L3MBTL4: variants seen among roughly 807,000 people sequenced by gnomAD.
The protein encoded by L3MBTL4 is lethal(3)malignant brain tumor-like protein 4.
A neutral mutation model predicts 84.5 loss-of-function variants in L3MBTL4; 70 were observed. The observed-to-expected ratio is 0.83, with a 90% CI of 0.68 to 1.01. L3MBTL4 has a LOEUF of 1.01. Among genes scored for constraint, L3MBTL4 ranks in the 50% least tolerant of loss-of-function variants. L3MBTL4 has a pLI of 0.00. For synonymous variants in L3MBTL4, 274 were observed against 259.8 expected (o/e 1.05, Z -0.52); for missense variants, 715 against 754.8 (o/e 0.95, Z 0.62).
chr18:6,101,709 A>C (rs1347160992), intron 14 of L3MBTL4, among the ~76,000 whole-genome samples: 1 of 152,214 alleles, frequency 6.6e-6, no homozygotes, highest in African/African-American at 2.4e-5. Context: ...GACTAAGTAC[A>C]TTTCATGGCA....
intron 1 of L3MBTL4, among the ~76,000 whole-genome samples, chr18:6,359,583 T>C (rs371375716): frequency 4.6e-5 from 7 of 151,604 alleles, no homozygotes; most frequent in South Asian, 4.2e-4. Flanking sequence ...AACTATGACA[T>C]ATCTAAAAAA....
chr18:5,998,606 T>C (rs1368484577), intron 16 of L3MBTL4, among the ~76,000 whole-genome samples: 3 of 152,186 alleles, frequency 2.0e-5, no homozygotes, highest in Non-Finnish European at 4.4e-5. Context: ...AAAGGGCATT[T>C]GGAAGGACTG....
intron 14 of L3MBTL4, among the ~76,000 whole-genome samples, chr18:6,134,684 C>A (rs2059978359): frequency 6.6e-6 from 1 of 152,218 alleles, no homozygotes; most frequent in South Asian, 2.1e-4. Flanking sequence ...CACATCCAAG[C>A]CACGCTGATG....
chr18:6,316,355 T>C (rs766956708), intron 1 of L3MBTL4, among the ~76,000 whole-genome samples: 4 of 152,138 alleles, frequency 2.6e-5, no homozygotes, highest in Non-Finnish European at 5.9e-5. Flanking sequence ...GTGCACCACA[T>C]CAAGGGAACA....
intron 4 of L3MBTL4, among the ~76,000 whole-genome samples, chr18:6,284,037 T>C (rs405492): frequency 0.051 from 7,814 of 152,202 alleles, 610 homozygotes; most frequent in African/African-American, 0.17. Flanking sequence ...GCCTAAACAT[T>C]AGGGAAATTT....
At position 5,960,327 on chromosome 18, in the gene L3MBTL4, C is replaced by T. The variant is rs145974418; in HGVS notation, c.1615-171G>A. ...TGTCAACTCAGAAATTAGACCAGCCCCCAGTATTTTTTCTGTCCTCTTATT... is the reference window on the plus strand; with the variant it reads ...TGTCAACTCAGAAATTAGACCAGCCTCCAGTATTTTTTCTGTCCTCTTATT... On this transcript the variant is annotated intron_variant, in intron 17 of 18. Transcript: ENST00000317931. 7.6e-3 allele frequency among the ~76,000 whole-genome samples: 1,161 copies of T among 152,154 alleles called. 13 individuals carry two copies. Among genetic ancestry groups the T allele is most frequent in the African/African-American group, 0.025 (1,042 of 41,502 alleles).
At chr18:6,106,912 G>A (rs1292000364) in intron 14 of L3MBTL4, among the ~76,000 whole-genome samples, 1 of 152,182 alleles carries the variant, frequency 6.6e-6, no homozygotes, top group Non-Finnish European at 1.5e-5. Context: ...AATATGGCAA[G>A]GGTCCCACCT....
chr18:5,985,605 T>C (rs1271320918), intron 16 of L3MBTL4, among the ~76,000 whole-genome samples: 1 of 152,182 alleles, frequency 6.6e-6, no homozygotes, highest in Non-Finnish European at 1.5e-5. Flanking sequence ...GGACCCTACG[T>C]TATATTCCCG....
At chr18:5,961,411 G>A (rs2095262783) in intron 17 of L3MBTL4, among the ~76,000 whole-genome samples, 1 of 152,216 alleles carries the variant, frequency 6.6e-6, no homozygotes, top group African/African-American at 2.4e-5. Context: ...CCTGAGCTCT[G>A]TCCCCTGTGG....
chr18:6,060,792 T>C lies in L3MBTL4; in HGVS notation c.1444+20089A>G, dbSNP rs202242290. ...CCCTTTCAGGCTGGCTTCTTTCACT[T>C]AGCAATATGCAATTAAGGCTCCTTC... On this transcript the variant is annotated intron_variant, in intron 16 of 18. Coordinates refer to ENST00000317931, the MANE Select transcript of L3MBTL4 (RefSeq NM_001330559.2). 1.8e-4 allele frequency among the ~76,000 whole-genome samples: 27 copies of C among 152,296 alleles called. 1 individual carries two copies. In the East Asian group the frequency reaches 5.2e-3, roughly 29 times the overall value.
rs959203321 is a variant in L3MBTL4 at position 6,330,641 on chromosome 18, C to A, written c.-90-18585G>T. ...GCAACCTTATTTCCACCTTTCCATA[C>A]AACATAATATTCACAGGCTCCAAGG... On this transcript the variant is annotated intron_variant, in intron 1 of 18. Transcript: ENST00000317931. Among the ~76,000 whole-genome samples the A allele has an allele frequency of 7.9e-5, 12 of 152,336 alleles. No homozygotes were observed. The South Asian group carries it at 1.4e-3, about 18-fold the overall frequency.
At chr18:6,102,056 T>C (rs1406572610) in intron 14 of L3MBTL4, among the ~76,000 whole-genome samples, 1 of 152,224 alleles carries the variant, frequency 6.6e-6, no homozygotes, top group Admixed American at 6.5e-5. Flanking sequence ...ACTTTTATTA[T>C]AGTTTCCTCA....
chr18:6,370,127 C>T (rs1427726135), intron 1 of L3MBTL4, among the ~76,000 whole-genome samples: 2 of 111,880 alleles, frequency 1.8e-5, no homozygotes, highest in East Asian at 2.6e-4. Context: ...GAGTGAGACT[C>T]GGTCTCAAAA....
At chr18:6,044,506 A>G (rs2056533617) in intron 16 of L3MBTL4, among the ~76,000 whole-genome samples, 1 of 152,236 alleles carries the variant, frequency 6.6e-6, no homozygotes, top group Non-Finnish European at 1.5e-5. Context: ...GACACTAGCC[A>G]ACATGCTGGC....
intron 12 of L3MBTL4, among the ~76,000 whole-genome samples, chr18:6,190,106 C>T (rs1348709846): frequency 1.3e-5 from 2 of 152,018 alleles, no homozygotes; most frequent in Non-Finnish European, 2.9e-5. Flanking sequence ...AAGGCAAAAA[C>T]AAAAGATATA....
At chr18:6,332,966 C>T (rs2052118279) in intron 1 of L3MBTL4, among the ~76,000 whole-genome samples, 1 of 151,968 alleles carries the variant, frequency 6.6e-6, no homozygotes, top group African/African-American at 2.4e-5. Context: ...GATTGTAATC[C>T]CAACGTTACT....
chr18:6,079,124 C>T (rs1283916881), intron 16 of L3MBTL4, among the ~76,000 whole-genome samples: 1 of 152,140 alleles, frequency 6.6e-6, no homozygotes, highest in Non-Finnish European at 1.5e-5. Flanking sequence ...CAGCCCAGTT[C>T]CTAACAGGCT....
intron 16 of L3MBTL4, among the ~76,000 whole-genome samples, chr18:6,035,615 T>C (rs548293807): frequency 6.6e-6 from 1 of 152,370 alleles, no homozygotes; most frequent in African/African-American, 2.4e-5. Context: ...TGGCTTAGGA[T>C]TGACTTGGTG....
In L3MBTL4 at chr18:6,307,185, C is replaced by A. The variant is rs1599569488; in HGVS notation, c.72+4369G>T. ...CAGTGGCTCACACCTGTATTCCCAG[C>A]ACTTTGGGAGGCCGAGGCAGGCGGA... is the stretch of plus-strand genomic sequence containing the variant. On this transcript the variant is annotated intron_variant, in intron 3 of 18. Coordinates refer to ENST00000317931, the MANE Select transcript of L3MBTL4 (RefSeq NM_001330559.2). 3.9e-5 allele frequency among the ~76,000 whole-genome samples: 6 copies of A among 152,066 alleles called. No homozygotes were observed. The East Asian group carries it at 1.2e-3, about 29-fold the overall frequency.
Sources: allele counts gnomAD v4.1 joint callset (sites outside exome capture counted in the v4.1 genomes callset), GRCh38; gene constraint gnomAD v4.1.1; transcripts MANE v1.5; gene names NCBI Gene and HGNC (gene_info 2026-07-23, HGNC 2026-07-21).